Variants in EXOC6B observed in about 807,000 individuals in gnomAD.
EXOC6B encodes exocyst complex component 6B.
EXOC6B carries 54 observed loss-of-function variants against 113.5 expected under a neutral mutation model. That is an observed-to-expected ratio of 0.48 (90% CI 0.38 to 0.60). The LOEUF (loss-of-function observed/expected upper bound fraction) is 0.60, where lower values mean the gene tolerates loss of function less well. Ranked by LOEUF, EXOC6B falls within the 20% of genes least tolerant of loss-of-function variation. The pLI is 0.00. For synonymous variants in EXOC6B, 357 were observed against 339.0 expected, an observed-to-expected ratio of 1.05 and a Z score of -0.58; for missense variants, 797 against 977.5, an observed-to-expected ratio of 0.82 and a Z score of 2.46.
At chr2:72,330,959 C>T (rs540632114) in intron 20 of EXOC6B, among the ~76,000 whole-genome samples, 11 of 152,158 alleles carry the variant, frequency 7.2e-5, no homozygotes, top group African/African-American at 2.6e-4. Flanking sequence ...CATGCTAGAC[C>T]AACCAGTCCC....
intron 6 of EXOC6B, among the ~76,000 whole-genome samples, chr2:72,697,269 T>G (rs1677964333): frequency 6.6e-5 from 10 of 152,180 alleles, no homozygotes; most frequent in Non-Finnish European, 1.0e-4. Flanking sequence ...ATACAGATAT[T>G]GGGCACAAAT....
intron 20 of EXOC6B, among the ~76,000 whole-genome samples, chr2:72,255,481 C>T (rs1328160578): frequency 6.6e-6 from 1 of 152,216 alleles, no homozygotes; most frequent in African/African-American, 2.4e-5. Context: ...GCGCCAAGAG[C>T]CATAGATAAT....
intron 20 of EXOC6B, among the ~76,000 whole-genome samples, chr2:72,333,916 C>T (rs1472820858): frequency 1.3e-5 from 2 of 152,076 alleles, no homozygotes; most frequent in Non-Finnish European, 2.9e-5. Context: ...AATCGAATCA[C>T]AGTGGTAAGG....
chr2:72,643,079 G>A (rs1313202838), intron 6 of EXOC6B, among the ~76,000 whole-genome samples: 2 of 152,046 alleles, frequency 1.3e-5, no homozygotes, highest in African/African-American at 4.8e-5. Context: ...TCTCACACCA[G>A]TTAGAATGGC....
At chr2:72,679,469 A>G (rs1336742458) in intron 6 of EXOC6B, among the ~76,000 whole-genome samples, 1 of 152,190 alleles carries the variant, frequency 6.6e-6, no homozygotes, top group Non-Finnish European at 1.5e-5. Flanking sequence ...TTAAAGGTAA[A>G]CCAAAGAAAT....
intron 8 of EXOC6B, among the ~76,000 whole-genome samples, chr2:72,534,163 T>C (rs546839340): frequency 5.5e-4 from 84 of 152,058 alleles, no homozygotes; most frequent in African/African-American, 1.9e-3. Context: ...ATGTTGACTA[T>C]AAAATAGCTT....
At chr2:72,474,852 T>C (rs1698637216) in intron 17 of EXOC6B, among the ~76,000 whole-genome samples, 1 of 152,200 alleles carries the variant, frequency 6.6e-6, no homozygotes, top group Admixed American at 6.5e-5. Flanking sequence ...TATATTCATA[T>C]CTGTACATCT....
intron 6 of EXOC6B, among the ~76,000 whole-genome samples, chr2:72,586,745 C>T (rs1268034042): frequency 1.3e-5 from 2 of 150,786 alleles, no homozygotes; most frequent in Non-Finnish European, 2.9e-5. Flanking sequence ...AGCAAGACTC[C>T]GTCTCAAAAA....
chr2:72,402,471 T>C (rs977836108), intron 18 of EXOC6B, among the ~76,000 whole-genome samples: 6 of 101,020 alleles, frequency 5.9e-5, no homozygotes, highest in Non-Finnish European at 1.1e-4. Context: ...CTTCAGTTAC[T>C]ATCTACTTTC....
At chr2:72,413,545 T>C (rs1432445632) in intron 18 of EXOC6B, among the ~76,000 whole-genome samples, 9 of 151,350 alleles carry the variant, frequency 5.9e-5, no homozygotes, top group African/African-American at 2.2e-4. Context: ...TAGCTGGGTG[T>C]AGTGGTACGC....
intron 1 of EXOC6B, among the ~76,000 whole-genome samples, chr2:72,782,651 C>A (rs1418166825): frequency 4.6e-5 from 7 of 152,142 alleles, no homozygotes; most frequent in Non-Finnish European, 1.0e-4. Flanking sequence ...TATCGGTACC[C>A]ATTAACCAGC....
chr2:72,304,221 G>A (rs1407983154), intron 20 of EXOC6B, among the ~76,000 whole-genome samples: 2 of 152,054 alleles, frequency 1.3e-5, no homozygotes, highest in African/African-American at 2.4e-5. Flanking sequence ...TCTATTAATG[G>A]ATATTTAAAT....
chr2:72,337,779 TG>T (rs1045819917), intron 19 of EXOC6B, among the ~76,000 whole-genome samples: 4 of 152,226 alleles, frequency 2.6e-5, no homozygotes, highest in Admixed American at 1.3e-4. Flanking sequence ...ACTTCATATT[TG>T]TATTTTTTCT....
intron 20 of EXOC6B, among the ~76,000 whole-genome samples, chr2:72,311,640 C>T (rs1687190162): frequency 6.6e-6 from 1 of 152,032 alleles, no homozygotes; most frequent in South Asian, 2.1e-4. Flanking sequence ...ATCTCTTTTA[C>T]CCTATAAGGT....
chr2:72,691,721 G>A (rs1208697890), intron 6 of EXOC6B, among the ~76,000 whole-genome samples: 1 of 145,506 alleles, frequency 6.9e-6, no homozygotes, highest in East Asian at 2.0e-4. Flanking sequence ...CGCCCTTGTC[G>A]CCCAGGCTGG....
At chr2:72,706,140 C>A (rs1442839027) in intron 6 of EXOC6B, among the ~76,000 whole-genome samples, 1 of 152,128 alleles carries the variant, frequency 6.6e-6, no homozygotes, top group Non-Finnish European at 1.5e-5. Context: ...ATGAATGCAT[C>A]CCTTCTGGAT....
Position 72,741,432 on chromosome 2 carries a change from C to T in EXOC6B, c.151G>A (p.Glu51Lys), listed in dbSNP as rs1238577681. The T allele has an allele frequency of 6.2e-7, 1 of 1,613,456 alleles. No individual in the cohort carries two copies. Among genetic ancestry groups the T allele is most frequent in the Non-Finnish European group, 8.5e-7 (1 of 1,179,750 alleles). The change falls in exon 2 of 22, where the codon GAG becomes AAG. Residue 51 changes from glutamate to lysine, a missense_variant. By Grantham distance (56) the Glu-to-Lys change is moderately conservative. Transcript: ENST00000272427. ...YDGEEHGRFM[E>K]KLETRIRNHD... ...TTACGGATACGAGTTTCAAGCTTCTCCATGAAACGTCCATGTTCTTCACCA... is the reference window on the plus strand; with the variant it reads ...TTACGGATACGAGTTTCAAGCTTCTTCATGAAACGTCCATGTTCTTCACCA...
At chr2:72,775,462 G>C (rs1003314337) in intron 1 of EXOC6B, among the ~76,000 whole-genome samples, 6 of 152,150 alleles carry the variant, frequency 3.9e-5, no homozygotes, top group Admixed American at 2.0e-4. Context: ...CCAGAAGTCA[G>C]GGTCAAAGAC....
chr2:72,235,418 G>GA (rs1681903957), intron 20 of EXOC6B, among the ~76,000 whole-genome samples: 1 of 152,146 alleles, frequency 6.6e-6, no homozygotes, highest in Admixed American at 6.5e-5. Context: ...GTGGAGGCTG[G>GA]AAAGAGGGAG....
Sources: gnomAD v4.1 joint callset for allele counts (sites outside exome capture counted in the v4.1 genomes callset) on GRCh38, gnomAD v4.1.1 for gene constraint, MANE v1.5 for transcripts, NCBI Gene and HGNC (gene_info 2026-07-23, HGNC 2026-07-21) for gene names.